LRRTM4: variants seen among roughly 807,000 people sequenced by gnomAD.
The protein encoded by LRRTM4 is leucine rich repeat transmembrane neuronal 4, also known as leucine-rich repeat transmembrane neuronal protein 4.
Under a neutral mutation model 47.6 loss-of-function variants are expected in LRRTM4, and 25 were observed. The observed-to-expected ratio is 0.53, with a 90% confidence interval of 0.38 to 0.73. The LOEUF is 0.73. LRRTM4 is among the 30% of genes least tolerant of loss of function. The pLI, the probability that LRRTM4 is intolerant of heterozygous loss-of-function variation, is 0.00. For missense variants in LRRTM4, 638 were observed against 713.4 expected (o/e 0.89, Z 1.20); for synonymous variants, 311 against 269.5 (o/e 1.15, Z -1.51).
intron 3 of LRRTM4, among the ~76,000 whole-genome samples, chr2:77,407,660 A>T (rs1481785211): frequency 7.1e-6 from 1 of 140,630 alleles, no homozygotes; most frequent in Non-Finnish European, 1.5e-5. Flanking sequence ...TTATATAATT[A>T]TATATAATAA....
At chr2:77,248,857 T>C (rs1675523121) in intron 3 of LRRTM4, among the ~76,000 whole-genome samples, 1 of 151,878 alleles carries the variant, frequency 6.6e-6, no homozygotes, top group South Asian at 2.1e-4. Flanking sequence ...AGATAATGAA[T>C]CTAAACAGAG....
chr2:76,804,145 T>A (rs1055922137), intron 3 of LRRTM4, among the ~76,000 whole-genome samples: 1 of 152,184 alleles, frequency 6.6e-6, no homozygotes, highest in Admixed American at 6.5e-5. Flanking sequence ...TGTGACTACA[T>A]GCTGAGTCCT....
chr2:76,813,140 G>A (rs1431021759), intron 3 of LRRTM4, among the ~76,000 whole-genome samples: 1 of 151,864 alleles, frequency 6.6e-6, no homozygotes, highest in Non-Finnish European at 1.5e-5. Context: ...CTCTACCCTG[G>A]GCAACAAGAG....
chr2:77,179,096 A>G (rs1673279029), intron 3 of LRRTM4, among the ~76,000 whole-genome samples: 2 of 152,240 alleles, frequency 1.3e-5, no homozygotes, highest in African/African-American at 2.4e-5. Flanking sequence ...AAATGTTTTT[A>G]AAACTCAGTT....
intron 3 of LRRTM4, among the ~76,000 whole-genome samples, chr2:76,848,911 T>G (rs1671911765): frequency 6.6e-6 from 1 of 152,130 alleles, no homozygotes; most frequent in African/African-American, 2.4e-5. Context: ...CTCTCATTGA[T>G]GGGCATAAGC....
At chr2:77,074,897 TTTGAC>T (rs1680281502) in intron 3 of LRRTM4, among the ~76,000 whole-genome samples, 1 of 140,594 alleles carries the variant, frequency 7.1e-6, no homozygotes, top group Admixed American at 7.1e-5. Flanking sequence ...TTGGCAGAGG[TTTGAC>T]TTAAGTTTCA....
rs370081720 is a variant in LRRTM4 at position 77,013,075 on chromosome 2, CACTTT to C, written c.1552-264164_1552-264160del. On this transcript the variant is annotated intron_variant, in intron 3 of 3. Coordinates refer to ENST00000409884, the MANE Select transcript of LRRTM4 (RefSeq NM_001134745.3). Reference sequence around the variant, plus strand: ...ATGAATGAATGGATAACCTTCTCTCCACTTTACTTTATTCTCATTTTTCTTTTTTT... The same window carrying C: ...ATGAATGAATGGATAACCTTCTCTCCACTTTATTCTCATTTTTCTTTTTTT... Among the ~76,000 whole-genome samples, 711 of 152,302 alleles carry C rather than the reference CACTTT, an allele frequency of 4.7e-3. 4 individuals carry two copies. Among genetic ancestry groups the C allele is most frequent in the African/African-American group, 0.016 (665 of 41,556 alleles).
chr2:77,260,922 G>C (rs1290972518), intron 3 of LRRTM4, among the ~76,000 whole-genome samples: 4 of 152,034 alleles, frequency 2.6e-5, no homozygotes, highest in Non-Finnish European at 5.9e-5. Flanking sequence ...TTGTGCTAAG[G>C]CAATAACTTC....
chr2:77,366,239 G>A (rs549609022), intron 3 of LRRTM4, among the ~76,000 whole-genome samples: 32 of 151,820 alleles, frequency 2.1e-4, no homozygotes, highest in Non-Finnish European at 3.2e-4. Context: ...AGATCTAATG[G>A]TCATTTGACA....
At chr2:76,841,289 T>G (rs1263696680) in intron 3 of LRRTM4, among the ~76,000 whole-genome samples, 53 of 135,426 alleles carry the variant, frequency 3.9e-4, no homozygotes, top group African/African-American at 6.2e-4. Context: ...GTGGGGGGAG[T>G]GGGGAGGGAT....
At chr2:77,083,897 C>T (rs945405162) in intron 3 of LRRTM4, among the ~76,000 whole-genome samples, 6 of 148,648 alleles carry the variant, frequency 4.0e-5, no homozygotes, top group Admixed American at 6.8e-5. Context: ...CTCCGCCTCC[C>T]GGGTTCACGC....
At chr2:76,779,525 C>G (rs1674228676) in intron 3 of LRRTM4, among the ~76,000 whole-genome samples, 1 of 144,890 alleles carries the variant, frequency 6.9e-6, no homozygotes, top group South Asian at 2.3e-4. Context: ...ATGGCCTTCA[C>G]TGTCTCTTTT....
chr2:77,334,316 A>C (rs1156482392), intron 3 of LRRTM4, among the ~76,000 whole-genome samples: 1 of 152,126 alleles, frequency 6.6e-6, no homozygotes, highest in Non-Finnish European at 1.5e-5. Flanking sequence ...AGGAGTGGCC[A>C]GGGGAGGAAT....
At chr2:76,980,809 T>C (rs773807511) in intron 3 of LRRTM4, among the ~76,000 whole-genome samples, 1 of 152,068 alleles carries the variant, frequency 6.6e-6, no homozygotes, top group Non-Finnish European at 1.5e-5. Flanking sequence ...GAAAGTATAA[T>C]TAAGGGATTA....
intron 3 of LRRTM4, among the ~76,000 whole-genome samples, chr2:77,130,822 C>CTTT (rs1221439109): frequency 2.2e-3 from 115 of 51,998 alleles, no homozygotes; most frequent in African/African-American, 3.9e-3. Flanking sequence ...ATTATTTGTT[C>CTTT]TATTTTTTTT....
intron 3 of LRRTM4, among the ~76,000 whole-genome samples, chr2:77,407,748 T>G (rs2103852003): frequency 6.9e-6 from 1 of 144,260 alleles, no homozygotes; most frequent in Non-Finnish European, 1.5e-5. Context: ...TATATTCTAT[T>G]ATATTATGAT....
At chr2:77,024,495 T>TAAAAAAAAAA (rs35116332) in intron 3 of LRRTM4, among the ~76,000 whole-genome samples, 1 of 130,178 alleles carries the variant, frequency 7.7e-6, no homozygotes. Flanking sequence ...GGTCTAGAAT[T>TAAAAAAAAAA]AAAAAAAAAA....
intron 3 of LRRTM4, among the ~76,000 whole-genome samples, chr2:76,757,218 T>C (rs1198954705): frequency 6.6e-6 from 1 of 152,140 alleles, no homozygotes; most frequent in African/African-American, 2.4e-5. Context: ...TTTTAAACTT[T>C]CATTTTGACA....
intron 3 of LRRTM4, among the ~76,000 whole-genome samples, chr2:77,136,322 T>C (rs1220591751): frequency 6.6e-6 from 1 of 152,154 alleles, no homozygotes; most frequent in African/African-American, 2.4e-5. Flanking sequence ...TGTTCAACAA[T>C]ATTTGCTGTT....
Sources: allele counts gnomAD v4.1 joint callset (sites outside exome capture counted in the v4.1 genomes callset), GRCh38; gene constraint gnomAD v4.1.1; transcripts MANE v1.5; gene names NCBI Gene and HGNC (gene_info 2026-07-23, HGNC 2026-07-21).